Variants in PHF21B observed in about 807,000 individuals in gnomAD.
PHF21B encodes the protein PHD finger protein 4.
PHF21B carries 22 observed loss-of-function variants against 62.2 expected under a neutral mutation model. That is an observed-to-expected ratio of 0.35 (90% confidence interval 0.25 to 0.51). PHF21B has a LOEUF of 0.51. Ranked by LOEUF, PHF21B falls within the 20% of genes least tolerant of loss-of-function variation. The probability of loss-of-function intolerance (pLI) is 0.97; values close to 1 mark genes in which losing one functional copy is unlikely to be tolerated. For synonymous variants in PHF21B, 341 were observed against 314.7 expected, an observed-to-expected ratio of 1.08 and a Z score of -0.88; for missense variants, 701 against 707.9, an observed-to-expected ratio of 0.99 and a Z score of 0.11.
intron 2 of PHF21B, among the ~76,000 whole-genome samples, chr22:44,998,527 C>A (rs1367171918): frequency 6.6e-6 from 1 of 152,122 alleles, no homozygotes; most frequent in African/African-American, 2.4e-5. Context: ...CCGAGGTGCT[C>A]CCCTTGGTTC....
chr22:44,946,665 G>A (rs1182352938), intron 2 of PHF21B, among the ~76,000 whole-genome samples: 3 of 152,072 alleles, frequency 2.0e-5, no homozygotes, highest in Non-Finnish European at 4.4e-5. Context: ...TGCGTGGGTA[G>A]AATCAATTCC....
chr22:44,962,012 C>T (rs115718394), intron 2 of PHF21B, among the ~76,000 whole-genome samples: 54 of 152,156 alleles, frequency 3.5e-4, no homozygotes, highest in Middle Eastern at 3.4e-3. Flanking sequence ...CAATCCACTA[C>T]TGATGGGCAG....
intron 2 of PHF21B, among the ~76,000 whole-genome samples, chr22:44,923,615 G>A (rs1720936367): frequency 6.6e-6 from 1 of 152,142 alleles, no homozygotes; most frequent in Admixed American, 6.5e-5. Context: ...TCACCTATCT[G>A]ATGAAAGCCT....
chr22:44,891,260 C>T (rs767770201), intron 8 of PHF21B, 46 bp downstream of exon 8: 125 of 1,604,658 alleles, frequency 7.8e-5, no homozygotes, highest in Non-Finnish European at 1.0e-4. Context: ...GATGACTCCC[C>T]GCGGCCCTGA....
chr22:44,933,124 T>TC (rs1364049923), intron 2 of PHF21B, among the ~76,000 whole-genome samples: 35 of 151,484 alleles, frequency 2.3e-4, no homozygotes, highest in Non-Finnish European at 3.0e-4. Context: ...TCTTTTTTTT[T>TC]TTTTTTGAGA....
intron 2 of PHF21B, among the ~76,000 whole-genome samples, chr22:44,967,696 G>A (rs1471031698): frequency 6.6e-5 from 10 of 152,202 alleles, no homozygotes; most frequent in African/African-American, 9.6e-5. Context: ...CATGCACACA[G>A]TTTGTTAACT....
At chr22:44,997,083 C>G (rs920150722) in intron 2 of PHF21B, among the ~76,000 whole-genome samples, 2 of 152,206 alleles carry the variant, frequency 1.3e-5, no homozygotes, top group Admixed American at 6.5e-5. Context: ...CCACTGCTCA[C>G]GAGCCTGTTA....
intron 6 of PHF21B, among the ~76,000 whole-genome samples, chr22:44,893,874 G>A (rs1429247924): frequency 6.6e-6 from 1 of 152,246 alleles, no homozygotes; most frequent in East Asian, 1.9e-4. Context: ...GATACCCACA[G>A]GTTGGGTGAT....
Position 44,882,804 on chromosome 22 carries a change from C to A in PHF21B, c.*282G>T, listed in dbSNP as rs990815363. On this transcript the variant is annotated 3_prime_UTR_variant, in exon 13 of 13. Coordinates refer to ENST00000313237, the MANE Select transcript of PHF21B (RefSeq NM_138415.5). ...GAGAGCAGGGCCTGGAAGCCAGAGG[C>A]CCAGGCAGCCCCGAGGTGGCCGGGG... 7.9e-6 allele frequency: 3 copies of A among 380,864 alleles called. No individual in the cohort carries two copies. Among genetic ancestry groups the A allele is most frequent in the African/African-American group, 6.2e-5 (3 of 48,068 alleles). The allele number at this position is 380,864 out of a possible 1,614,324, so 23.6% of individuals were successfully genotyped here.
intron 5 of PHF21B, among the ~76,000 whole-genome samples, chr22:44,908,321 G>C (rs1285171995): frequency 6.6e-6 from 1 of 152,090 alleles, no homozygotes; most frequent in African/African-American, 2.4e-5. Flanking sequence ...CTTCCTGTGG[G>C]GCCTGAAACT....
intron 2 of PHF21B, among the ~76,000 whole-genome samples, chr22:44,954,094 C>T (rs1029357976): frequency 1.3e-5 from 2 of 152,172 alleles, no homozygotes; most frequent in Admixed American, 6.5e-5. Context: ...TCCAGGTTTA[C>T]GGGGAAGGAA....
At chr22:44,943,033 C>T (rs1473085323) in intron 2 of PHF21B, among the ~76,000 whole-genome samples, 1 of 148,014 alleles carries the variant, frequency 6.8e-6, no homozygotes, top group African/African-American at 2.5e-5. Context: ...TGACCAAAGC[C>T]AAGAGCACAC....
intron 2 of PHF21B, among the ~76,000 whole-genome samples, chr22:44,997,695 G>A (rs761090749): frequency 3.9e-5 from 6 of 152,054 alleles, no homozygotes; most frequent in Non-Finnish European, 7.4e-5. Context: ...TTGGCTTTCC[G>A]CCTGAATGAC....
intron 5 of PHF21B, among the ~76,000 whole-genome samples, chr22:44,908,149 C>T (rs973827996): frequency 5.9e-5 from 9 of 152,318 alleles, no homozygotes; most frequent in Middle Eastern, 3.4e-3. Flanking sequence ...ACCTGACCTC[C>T]ACTCAGCCTG....
At chr22:45,005,423 C>T (rs1024143231) in intron 2 of PHF21B, among the ~76,000 whole-genome samples, 16 of 152,182 alleles carry the variant, frequency 1.1e-4, no homozygotes, top group Non-Finnish European at 2.2e-4. Flanking sequence ...TATGTAAACT[C>T]ACTTCCTGTT....
chr22:44,919,055 G>A (rs1226791230), intron 3 of PHF21B, among the ~76,000 whole-genome samples: 2 of 152,088 alleles, frequency 1.3e-5, no homozygotes, highest in South Asian at 4.1e-4. Flanking sequence ...TCCTCCTGGG[G>A]GGCTCCCTCT....
At chr22:44,992,405 G>A (rs781275097) in intron 2 of PHF21B, among the ~76,000 whole-genome samples, 35 of 152,254 alleles carry the variant, frequency 2.3e-4, no homozygotes, top group Admixed American at 5.9e-4. Context: ...ACTGGTGTCA[G>A]GGCTACCTGA....
At chr22:44,959,407 T>G (rs1212422927) in intron 2 of PHF21B, among the ~76,000 whole-genome samples, 3 of 152,216 alleles carry the variant, frequency 2.0e-5, no homozygotes. Context: ...GTCTGTCCCC[T>G]GCCTGGGTCC....
chr22:44,920,552 C>A, intron 2 of PHF21B, 62 bp from the exon 3 acceptor site: 3 of 1,311,640 alleles, frequency 2.3e-6, no homozygotes, highest in South Asian at 1.3e-5. Flanking sequence ...ATCCGTTGCC[C>A]CCAGCCTGGC....
Sources: gnomAD v4.1 joint callset for allele counts (sites outside exome capture counted in the v4.1 genomes callset) on GRCh38, gnomAD v4.1.1 for gene constraint, MANE v1.5 for transcripts, NCBI Gene and HGNC (gene_info 2026-07-23, HGNC 2026-07-21) for gene names.